RBBP8: variants seen among roughly 807,000 people sequenced by gnomAD.
RBBP8 encodes the protein RB binding protein 8, endonuclease.
A neutral mutation model predicts 108.3 loss-of-function variants in RBBP8; 88 were observed. The ratio of observed to expected loss-of-function variants is 0.81; its 90% CI spans 0.68 to 0.97. The LOEUF is 0.97. RBBP8 is among the 50% of genes least tolerant of loss of function. The pLI is 0.00. For missense variants in RBBP8, 1,023 were observed against 1,049.0 expected (o/e 0.98, Z 0.34); for synonymous variants, 332 against 348.2 (o/e 0.95, Z 0.52).
chr18:22,923,082 G>A (rs1465442296), intron 3 of RBBP8, among the ~76,000 whole-genome samples: 6 of 152,002 alleles, frequency 3.9e-5, no homozygotes. Context: ...ATTAGCTGTA[G>A]CTCTTAAATC....
intron 16 of RBBP8, among the ~76,000 whole-genome samples, chr18:23,012,384 A>G (rs1004158262): frequency 6.6e-6 from 1 of 152,176 alleles, no homozygotes; most frequent in Non-Finnish European, 1.5e-5. Context: ...CAGTCAGCCA[A>G]GTTGCAAATG....
At chr18:22,922,182 G>T (rs1909619812) in intron 3 of RBBP8, among the ~76,000 whole-genome samples, 1 of 152,098 alleles carries the variant, frequency 6.6e-6, no homozygotes, top group African/African-American at 2.4e-5. Context: ...ATACTTGTTT[G>T]TATAATATGT....
At chr18:22,964,728 A>G (rs1913424763) in intron 4 of RBBP8, among the ~76,000 whole-genome samples, 1 of 151,870 alleles carries the variant, frequency 6.6e-6, no homozygotes, top group Non-Finnish European at 1.5e-5. Context: ...GCCTCAAGCA[A>G]TTAATTCTTT....
intron 17 of RBBP8, among the ~76,000 whole-genome samples, chr18:23,020,453 AT>A (rs2046330646): frequency 6.6e-6 from 1 of 152,054 alleles, no homozygotes; most frequent in Non-Finnish European, 1.5e-5. Flanking sequence ...ATAAAACTTT[AT>A]TTTTTAGAGC....
intron 4 of RBBP8, among the ~76,000 whole-genome samples, chr18:22,953,581 C>CTT (rs1171740278): frequency 6.6e-6 from 1 of 152,146 alleles, no homozygotes; most frequent in Non-Finnish European, 1.5e-5. Context: ...CATTTTATGG[C>CTT]TTAAAGTTTG....
intron 13 of RBBP8, among the ~76,000 whole-genome samples, chr18:22,997,148 G>T (rs2045873600): frequency 6.6e-6 from 1 of 152,124 alleles, no homozygotes; most frequent in Non-Finnish European, 1.5e-5. Context: ...ATTCATAGTG[G>T]AAATAGTTTT....
intron 6 of RBBP8, among the ~76,000 whole-genome samples, chr18:22,980,686 T>C (rs1396164984): frequency 6.6e-6 from 1 of 151,902 alleles, no homozygotes; most frequent in Non-Finnish European, 1.5e-5. Context: ...TCATGAGATT[T>C]CATCCATATG....
rs561014103 is a variant in RBBP8, at chr18:23,012,777, A to C, written c.2358-4051A>C. On this transcript the variant is annotated intron_variant, in intron 16 of 18. Coordinates refer to ENST00000327155, the MANE Select transcript of RBBP8 (RefSeq NM_002894.3). The stretch of plus-strand genomic sequence containing the variant: ...GAACTAAACAATAGATTTTCAGTGC[A>C]GATGAAACAGCCTTCTATTGGAAGA... Among the ~76,000 whole-genome samples, 3 of 152,364 alleles carry C rather than the reference A, an allele frequency of 2.0e-5. No homozygotes were observed. In the South Asian group the frequency reaches 6.2e-4, roughly 32 times the overall value.
chr18:22,957,154 A>T (rs1912630352), intron 4 of RBBP8, among the ~76,000 whole-genome samples: 1 of 152,230 alleles, frequency 6.6e-6, no homozygotes, highest in Admixed American at 6.5e-5. Context: ...TGTTATTCAT[A>T]GATTTGAATT....
upstream of RBBP8, among the ~76,000 whole-genome samples, chr18:22,932,212 T>C (rs1212286856): frequency 1.3e-5 from 2 of 152,150 alleles, no homozygotes; most frequent in African/African-American, 2.4e-5. Flanking sequence ...TGGACCACAG[T>C]AGAGACCACA....
chr18:22,974,164 A>T (rs562624618), intron 5 of RBBP8, among the ~76,000 whole-genome samples: 2 of 152,246 alleles, frequency 1.3e-5, no homozygotes, highest in East Asian at 3.9e-4. Context: ...TCTGGGATCC[A>T]CTTCTTTTGC....
intron 16 of RBBP8, among the ~76,000 whole-genome samples, chr18:23,009,715 G>A (rs1318148603): frequency 6.6e-6 from 1 of 151,976 alleles, no homozygotes; most frequent in Non-Finnish European, 1.5e-5. Flanking sequence ...GCAAATACAT[G>A]TATATAGTCA....
At chr18:22,995,836 A>G (rs1025739204) in intron 12 of RBBP8, among the ~76,000 whole-genome samples, 1 of 152,200 alleles carries the variant, frequency 6.6e-6, no homozygotes, top group Non-Finnish European at 1.5e-5. Context: ...ATTATGAACA[A>G]TGCTGCTATG....
At chr18:22,952,008 C>T (rs1329853960) in intron 4 of RBBP8, among the ~76,000 whole-genome samples, 1 of 151,966 alleles carries the variant, frequency 6.6e-6, no homozygotes, top group African/African-American at 2.4e-5. Flanking sequence ...ATAGAACAGA[C>T]AAATGTGAAA....
chr18:22,917,245 T>G (rs1884882123), intron 3 of RBBP8, among the ~76,000 whole-genome samples: 1 of 152,192 alleles, frequency 6.6e-6, no homozygotes, highest in Non-Finnish European at 1.5e-5. Context: ...TCAGTCCAAG[T>G]GGACTCTGAA....
upstream of RBBP8, among the ~76,000 whole-genome samples, chr18:22,932,603 A>C (rs1910106650): frequency 6.6e-6 from 1 of 152,224 alleles, no homozygotes; most frequent in South Asian, 2.1e-4. Flanking sequence ...ATAATTACAC[A>C]AAAGTACTGG....
rs536866628 is a variant in RBBP8 at position 22,970,771 on chromosome 18, T to C, written c.361+1853T>C. Among the ~76,000 whole-genome samples the C allele has an allele frequency of 1.9e-3, 284 of 152,334 alleles. 2 individuals carry two copies. Among genetic ancestry groups the C allele is most frequent in the African/African-American group, 6.6e-3 (276 of 41,586 alleles). On this transcript the variant is annotated intron_variant, in intron 5 of 18. Coordinates refer to ENST00000327155, the MANE Select transcript of RBBP8 (RefSeq NM_002894.3). ...GAATAACTAAGAGTTATTTATATATTATGGAAGGATTATTACACTTTGGTA... is the reference window on the plus strand; with the variant it reads ...GAATAACTAAGAGTTATTTATATATCATGGAAGGATTATTACACTTTGGTA...
At chr18:22,930,307 T>G (rs1230880271), upstream of RBBP8, among the ~76,000 whole-genome samples, 1 of 152,186 alleles carries the variant, frequency 6.6e-6, no homozygotes, top group Non-Finnish European at 1.5e-5. Flanking sequence ...CTGAGGTGAC[T>G]AGTCTCAACT....
chr18:23,019,758 A>AT (rs2046317411), intron 17 of RBBP8, among the ~76,000 whole-genome samples: 1 of 132,002 alleles, frequency 7.6e-6, no homozygotes. Context: ...GCAACATTTT[A>AT]TAATTTTTTT....
Sources: gnomAD v4.1 joint callset for allele counts (sites outside exome capture counted in the v4.1 genomes callset) on GRCh38, gnomAD v4.1.1 for gene constraint, MANE v1.5 for transcripts, NCBI Gene and HGNC (gene_info 2026-07-23, HGNC 2026-07-21) for gene names.